The following AIG1 variants were observed in gnomAD, a reference collection of about 807,000 sequenced individuals.
AIG1 encodes androgen induced 1.
AIG1 carries 23 observed loss-of-function variants against 31.4 expected under a neutral mutation model. That is an observed-to-expected ratio of 0.73 (90% CI 0.53 to 1.04). The LOEUF is 1.04. Among genes scored for constraint, AIG1 ranks in the 50% least tolerant of loss-of-function variants. The pLI is 0.00. For synonymous variants in AIG1, 100 were observed against 110.5 expected, an observed-to-expected ratio of 0.90 and a Z score of 0.60; for missense variants, 274 against 295.0, an observed-to-expected ratio of 0.93 and a Z score of 0.52.
intron 1 of AIG1, 200 bp downstream of exon 1, chr6:143,061,266 C>A: frequency 1.4e-6 from 1 of 719,826 alleles, no homozygotes; most frequent in South Asian, 1.5e-5. Context: ...CTGAACCACT[C>A]ACCGTTACCT....
chr6:143,212,576 T>C (rs111259515), intron 3 of AIG1, among the ~76,000 whole-genome samples: 2,142 of 152,314 alleles, frequency 0.014, 46 homozygotes, highest in Non-Finnish European at 0.017. Flanking sequence ...TGAATAGGAA[T>C]TCCTGTTGGT....
intron 3 of AIG1, among the ~76,000 whole-genome samples, chr6:143,278,170 C>CAGAGTCTG (rs1426935588): frequency 6.6e-6 from 1 of 152,190 alleles, no homozygotes; most frequent in Non-Finnish European, 1.5e-5. Flanking sequence ...GAATCTAAAC[C>CAGAGTCTG]TCCAACTCAT....
chr6:143,305,853 G>A (rs1799257866), intron 4 of AIG1, among the ~76,000 whole-genome samples: 1 of 151,818 alleles, frequency 6.6e-6, no homozygotes, highest in African/African-American at 2.4e-5. Context: ...TTATTGTGTG[G>A]GAGTCTAAGT....
chr6:143,303,833 C>G (rs374007873), intron 4 of AIG1, among the ~76,000 whole-genome samples: 14 of 146,076 alleles, frequency 9.6e-5, no homozygotes, highest in African/African-American at 3.6e-4. Flanking sequence ...GCCATTTTCA[C>G]GATATTGATT....
chr6:143,215,397 A>T (rs1562496519), intron 3 of AIG1, among the ~76,000 whole-genome samples: 2 of 152,146 alleles, frequency 1.3e-5, no homozygotes, highest in Non-Finnish European at 1.5e-5. Context: ...TCTTATTTTT[A>T]TCTGGGTATG....
chr6:143,171,495 AATATATATTTAATATATATAAT>A (rs1562454404), intron 3 of AIG1, among the ~76,000 whole-genome samples: 3 of 121,952 alleles, frequency 2.5e-5, no homozygotes, highest in Admixed American at 9.6e-5. Context: ...TTAAATATAT[AATATATATTTAATATATATAAT>A]ATATATATTT....
Position 143,333,193 on chromosome 6 carries a change from G to A in AIG1, c.516-89G>A, listed in dbSNP as rs1777214917. The A allele has an allele frequency of 5.3e-6, 7 of 1,311,570 alleles. No homozygotes were observed. The highest frequency in any genetic ancestry group is 1.5e-5 in the African/African-American group (1 of 65,890). 81.2% of individuals were successfully genotyped at this position (1,311,570 alleles called of 1,614,324 possible). A position where few individuals can be genotyped will look rare whatever the true frequency, so the allele number is the denominator to read the frequency against. ...TGGCAAATGCTGAAGCATGGGGAGA[G>A]TGAGGGAGTGTATATTTGCATCATA... On this transcript the variant is annotated intron_variant, in intron 4 of 5. Coordinates refer to ENST00000357847, the MANE Select transcript of AIG1 (RefSeq NM_016108.4). This position sits in a 1 kb window ranked among gnomAD's most constrained non-coding sequence, Gnocchi z 4.6.
chr6:143,343,023 TTA>T, downstream of AIG1: 3 of 841,986 alleles, frequency 3.6e-6, no homozygotes, highest in South Asian at 4.0e-5. Flanking sequence ...ATTTTGTCAG[TTA>T]TGTGTGTAAA....
chr6:143,285,924 A>C (rs1037177019), intron 4 of AIG1, among the ~76,000 whole-genome samples: 2 of 152,180 alleles, frequency 1.3e-5, no homozygotes, highest in African/African-American at 4.8e-5. Flanking sequence ...ATAGTCAAGT[A>C]GGGAGGCTGC....
intron 2 of AIG1, among the ~76,000 whole-genome samples, chr6:143,146,027 T>C (rs573482211): frequency 6.6e-6 from 1 of 152,310 alleles, no homozygotes; most frequent in South Asian, 2.1e-4. Context: ...GATGAAATGG[T>C]TTAATTTCTA....
chr6:143,342,168 C>G (rs186732464), downstream of AIG1: 33 of 567,410 alleles, frequency 5.8e-5, 1 homozygote, highest in Non-Finnish European at 2.6e-5. Flanking sequence ...AGGTGATCAC[C>G]CGCCTTGGCC....
chr6:143,334,958 A>G lies in AIG1; in HGVS notation c.679+1513A>G. 1.4e-6 allele frequency: 1 copy of G among 706,036 alleles called. No individual in the cohort carries two copies. The highest frequency in any genetic ancestry group is 2.1e-6 in the Non-Finnish European group (1 of 472,562). The allele number at this position is 706,036 out of a possible 1,614,324, so 43.7% of individuals were successfully genotyped here. A position where few individuals can be genotyped will look rare whatever the true frequency, so the allele number is the denominator to read the frequency against. Reference sequence around the variant, plus strand: ...TTGAATGAGGAGTTAAAAATGAATAATGAAATTAAGGTTTTTTGAATGATT... The same window carrying G: ...TTGAATGAGGAGTTAAAAATGAATAGTGAAATTAAGGTTTTTTGAATGATT... On this transcript the variant is annotated intron_variant, in intron 5 of 5. Transcript: ENST00000357847. The surrounding 1 kb of genome is among the most constrained non-coding windows in gnomAD (Gnocchi z 5.1).
At chr6:143,103,264 G>A (rs1042733447) in intron 1 of AIG1, among the ~76,000 whole-genome samples, 1 of 152,074 alleles carries the variant, frequency 6.6e-6, no homozygotes, top group Non-Finnish European at 1.5e-5. Context: ...GGCATGTACA[G>A]GATATTACAA....
intron 3 of AIG1, among the ~76,000 whole-genome samples, chr6:143,166,798 AATG>A (rs1288162451): frequency 1.3e-5 from 2 of 152,190 alleles, no homozygotes; most frequent in Non-Finnish European, 2.9e-5. Flanking sequence ...ACAAATAAGG[AATG>A]ATCGCAATTA....
intron 3 of AIG1, among the ~76,000 whole-genome samples, chr6:143,183,020 C>G (rs1203015688): frequency 6.6e-6 from 1 of 152,208 alleles, no homozygotes; most frequent in Non-Finnish European, 1.5e-5. Flanking sequence ...TCTTTTTGTG[C>G]ATATTATATT....
intron 1 of AIG1, among the ~76,000 whole-genome samples, chr6:143,069,698 C>G (rs909063435): frequency 6.6e-6 from 1 of 151,992 alleles, no homozygotes; most frequent in Non-Finnish European, 1.5e-5. Flanking sequence ...TTATGTTTGC[C>G]AAATGAAAGC....
chr6:143,277,289 T>C (rs1341948491), intron 3 of AIG1, among the ~76,000 whole-genome samples: 1 of 152,200 alleles, frequency 6.6e-6, no homozygotes, highest in Non-Finnish European at 1.5e-5. Flanking sequence ...ACAATTTTTG[T>C]ATCTTAGGAT....
At chr6:143,124,595 A>G (rs748643171) in intron 1 of AIG1, among the ~76,000 whole-genome samples, 15 of 152,150 alleles carry the variant, frequency 9.9e-5, no homozygotes, top group Non-Finnish European at 1.8e-4. Context: ...GAGGTCTTGT[A>G]TTAGTCTGTT....
At chr6:143,120,594 A>G (rs1389050343) in intron 1 of AIG1, among the ~76,000 whole-genome samples, 1 of 152,156 alleles carries the variant, frequency 6.6e-6, no homozygotes, top group Non-Finnish European at 1.5e-5. Flanking sequence ...GCATGGGAAA[A>G]CCTGCCTCCA....
Sources: gnomAD v4.1 joint callset for allele counts (sites outside exome capture counted in the v4.1 genomes callset) on GRCh38, gnomAD v4.1.1 for gene constraint, Gnocchi (gnomAD v3.1) non-coding constraint, MANE v1.5 for transcripts, NCBI Gene and HGNC (gene_info 2026-07-23, HGNC 2026-07-21) for gene names.